Variants in RPS6KL1 observed in about 807,000 individuals in gnomAD.
RPS6KL1 encodes the protein ribosomal protein S6 kinase-like 1.
Under a neutral mutation model 57.0 loss-of-function variants are expected in RPS6KL1, and 41 were observed. The observed-to-expected ratio is 0.72, with a 90% CI of 0.56 to 0.93. RPS6KL1 has a LOEUF of 0.93. Ranked by LOEUF, RPS6KL1 falls within the 40% of genes least tolerant of loss-of-function variation. The pLI is 0.00. For synonymous variants in RPS6KL1, 287 were observed against 309.7 expected (o/e 0.93, Z 0.77); for missense variants, 697 against 727.7 (o/e 0.96, Z 0.49).
rs1884793223 is a variant in RPS6KL1 at position 74,906,276 on chromosome 14, C to T, written c.*738G>A. ...CCACTGGGGAGGAGGACTCTTGATT[C>T]TGGTTTCAGACTTGCTCTAAGGGGC... On this transcript the variant is annotated 3_prime_UTR_variant, in exon 12 of 12. Transcript: ENST00000557413. The T allele has an allele frequency of 6.3e-6, 2 of 319,180 alleles. No individual in the cohort carries two copies. The highest frequency in any genetic ancestry group is 4.3e-5 in the African/African-American group (2 of 46,248). 19.8% of individuals were successfully genotyped at this position (319,180 alleles called of 1,614,324 possible). A position where few individuals can be genotyped will look rare whatever the true frequency, so the allele number is the denominator to read the frequency against.
Position 74,921,277 on chromosome 14 carries a change from C to A in RPS6KL1, c.265G>T (p.Val89Phe), listed in dbSNP as rs777332209. The change falls in exon 3 of 12, where the codon GTT becomes TTT. Residue 89 changes from valine (V) to phenylalanine (F), a missense_variant and splice_region_variant. By Grantham distance (50) the Val-to-Phe change is conservative (BLOSUM62 -1). Coordinates refer to ENST00000557413, the MANE Select transcript of RPS6KL1 (RefSeq NM_031464.5). Reference sequence around the variant, plus strand: ...AGCCCTGCCCAGCCCCGGTCCTCACCGTGTATGCCACGGAGCAGCACGTCC... The same window carrying A: ...AGCCCTGCCCAGCCCCGGTCCTCACAGTGTATGCCACGGAGCAGCACGTCC... ...GVDVLLRGIH[V>F]DPNKERREAV... The A allele has an allele frequency of 6.2e-5, 100 of 1,611,640 alleles. No homozygotes were observed. The highest frequency in any genetic ancestry group is 7.6e-5 in the Non-Finnish European group (90 of 1,177,914).
At chr14:74,907,191 T>TC in intron 11 of RPS6KL1, 67 bp from the exon 12 acceptor site, 1 of 1,422,400 alleles carries the variant, frequency 7.0e-7, no homozygotes, top group East Asian at 2.3e-5. Flanking sequence ...CTCCAGGGAC[T>TC]CCAACCACTA....
chr14:74,919,909 C>T lies in RPS6KL1; in HGVS notation c.326G>A (p.Arg109Gln), dbSNP rs746273906. ...GTGGCAGTTGAAGATCTCCTCTGCCCGCCGCAGGTATTTGGTAATTTTCAG... is the reference window on the plus strand; with the variant it reads ...GTGGCAGTTGAAGATCTCCTCTGCCTGCCGCAGGTATTTGGTAATTTTCAG... ...VKLKITKYLR[R>Q]AEEIFNCHLQ... Residue 109 changes from arginine to glutamine, a missense_variant, in exon 4 of 12, where the codon CGG becomes CAG. Physicochemically the swap from Arg to Gln is conservative, Grantham distance 43. Transcript: ENST00000557413. The T allele has an allele frequency of 3.1e-6, 5 of 1,614,124 alleles. No homozygotes were observed. The highest frequency in any genetic ancestry group is 3.3e-5 in the Admixed American group (2 of 60,020).
chr14:74,915,918 A>C (rs748833041), intron 5 of RPS6KL1, among the ~76,000 whole-genome samples: 6 of 152,196 alleles, frequency 3.9e-5, no homozygotes, highest in Non-Finnish European at 8.8e-5. Flanking sequence ...TGGCTCCTGC[A>C]CGAGGCTCAG....
chr14:74,918,545 T>A lies in RPS6KL1; in HGVS notation c.451A>T (p.Arg151Trp). 1.3e-6 allele frequency: 2 copies of A among 1,534,292 alleles called. No individual in the cohort carries two copies. Among genetic ancestry groups the A allele is most frequent in the Non-Finnish European group, 1.7e-6 (2 of 1,146,112 alleles). Residue 151 changes from arginine (R) to tryptophan (W), a missense_variant, in exon 5 of 12, where the codon AGG (arginine) becomes TGG (tryptophan). Transcript: ENST00000557413. Reference sequence around the variant, plus strand: ...ATGACCCCGACCACCCTGCAGCCCCTCAGCTGCTCCACGGCAGAGCTCAGC... The same window carrying A: ...ATGACCCCGACCACCCTGCAGCCCCACAGCTGCTCCACGGCAGAGCTCAGC... Reference protein sequence around the residue: ...RTLSSAVEQLRGCRVVGVIEK... With the variant: ...RTLSSAVEQLWGCRVVGVIEK...
At chr14:74,916,352 C>T (rs922837533) in intron 5 of RPS6KL1, among the ~76,000 whole-genome samples, 2 of 151,990 alleles carry the variant, frequency 1.3e-5, no homozygotes, top group African/African-American at 2.4e-5. Context: ...AAGTTGAGTA[C>T]CCAAGACAGG....
chr14:74,922,201 T>C lies in RPS6KL1; in HGVS notation c.-244A>G, dbSNP rs1008152285. On this transcript the variant is annotated 5_prime_UTR_variant, in exon 2 of 12. Coordinates refer to ENST00000557413, the MANE Select transcript of RPS6KL1 (RefSeq NM_031464.5). ...GATCCACAGCCACCTTCACAGGGCCTCCGTAGAGCAAGCTTGGTATCCAGT... is the reference window on the plus strand; with the variant it reads ...GATCCACAGCCACCTTCACAGGGCCCCCGTAGAGCAAGCTTGGTATCCAGT... 1.6e-5 allele frequency: 16 copies of C among 987,220 alleles called. No individual in the cohort carries two copies. The African/African-American group carries it at 2.8e-4, about 17-fold the overall frequency. 61.2% of individuals were successfully genotyped at this position (987,220 alleles called of 1,614,324 possible). A position where few individuals can be genotyped will look rare whatever the true frequency, so the allele number is the denominator to read the frequency against.
intron 3 of RPS6KL1, among the ~76,000 whole-genome samples, 159 bp downstream of exon 3, chr14:74,921,118 G>A (rs1887753521): frequency 6.6e-6 from 1 of 152,222 alleles, no homozygotes; most frequent in South Asian, 2.1e-4. Context: ...TGCTTAATAA[G>A]TGCCAGCTAT....
In RPS6KL1 at chr14:74,905,378, T is replaced by G. The variant is rs1884608614; in HGVS notation, c.*1636A>C. The G allele has an allele frequency of 2.3e-5, 3 of 131,960 alleles. No homozygotes were observed. Among genetic ancestry groups the G allele is most frequent in the Admixed American group, 7.2e-5 (1 of 13,864 alleles). The allele number at this position is 131,960 out of a possible 1,614,324, so 8.2% of individuals were successfully genotyped here. On this transcript the variant is annotated 3_prime_UTR_variant, in exon 12 of 12. Coordinates refer to ENST00000557413, the MANE Select transcript of RPS6KL1 (RefSeq NM_031464.5). ...AGGAGCTACCGTCTGTTGCAAGGGG[T>G]CACTGTGAGGATGAAACTGGTATTC...
chr14:74,919,759 G>A lies in RPS6KL1; in HGVS notation c.390+86C>T, dbSNP rs1330379291. 4 of 1,465,718 alleles carry A rather than the reference G, an allele frequency of 2.7e-6. No homozygotes were observed. In the East Asian group the frequency reaches 6.9e-5, roughly 25 times the overall value. 90.8% of individuals were successfully genotyped at this position (1,465,718 alleles called of 1,614,324 possible). A position where few individuals can be genotyped will look rare whatever the true frequency, so the allele number is the denominator to read the frequency against. On this transcript the variant is annotated intron_variant, in intron 4 of 11. Transcript: ENST00000557413. Reference sequence around the variant, plus strand: ...GCCGGCCTCTGCCCTGCAGCCCAGGGCGGGCCTGTGGGTGTCGGGGCCTCC... The same window carrying A: ...GCCGGCCTCTGCCCTGCAGCCCAGGACGGGCCTGTGGGTGTCGGGGCCTCC...
At chr14:74,920,873 T>C (rs1030500043) in intron 3 of RPS6KL1, among the ~76,000 whole-genome samples, 1 of 152,146 alleles carries the variant, frequency 6.6e-6, no homozygotes, top group Non-Finnish European at 1.5e-5. Context: ...GTGGGCCAAG[T>C]ACACAGCCTG....
rs1321770404 is a variant in RPS6KL1 at position 74,905,704 on chromosome 14, C to G, written c.*1310G>C. The G allele has an allele frequency of 3.3e-5, 5 of 152,478 alleles. No homozygotes were observed. The highest frequency in any genetic ancestry group is 6.5e-5 in the Admixed American group (1 of 15,306). 9.4% of individuals were successfully genotyped at this position (152,478 alleles called of 1,614,324 possible). A position where few individuals can be genotyped will look rare whatever the true frequency, so the allele number is the denominator to read the frequency against. ...CCAGGGAGAGGCAGGACGTGGACCA[C>G]AGAGAGTCATGTACAGGCTGCGCTT... On this transcript the variant is annotated 3_prime_UTR_variant, in exon 12 of 12. Coordinates refer to ENST00000557413, the MANE Select transcript of RPS6KL1 (RefSeq NM_031464.5).
At position 74,921,446 on chromosome 14, in the gene RPS6KL1, C is replaced by T. The variant is rs376454384; in HGVS notation, c.96G>A (p.Gln32=). 7.4e-6 allele frequency: 12 copies of T among 1,614,036 alleles called. No individual in the cohort carries two copies. Among genetic ancestry groups the T allele is most frequent in the Non-Finnish European group, 1.0e-5 (12 of 1,180,026 alleles). Residue 32 remains glutamine, a synonymous_variant, in exon 3 of 12, where the codon CAG becomes CAA. Transcript: ENST00000557413. ...ARSQAHVYLE[Q]IRNRVALGVP... is the part of the protein sequence containing the mutation. ...CTCCCAGAGCCACCCTGTTGCGAAT[C>T]TGCTCCAGGTACACGTGAGCTTGGG... is the stretch of plus-strand genomic sequence containing the variant.
intron 11 of RPS6KL1, 88 bp downstream of exon 11, chr14:74,907,347 G>T: frequency 6.6e-7 from 1 of 1,506,394 alleles, no homozygotes; most frequent in Non-Finnish European, 8.9e-7. Context: ...TGAGCACGAA[G>T]CACACGTGGT....
intron 5 of RPS6KL1, among the ~76,000 whole-genome samples, chr14:74,918,108 TTATTTTA>T (rs1337108806): frequency 1.2e-3 from 188 of 151,628 alleles, no homozygotes; most frequent in African/African-American, 4.1e-3. Context: ...TTATTTTATT[TTATTTTA>T]TATTTTATTT....
chr14:74,907,500 G>C lies in RPS6KL1; in HGVS notation c.1474C>G (p.Gln492Glu), dbSNP rs1160929265. The C allele has an allele frequency of 1.3e-6, 2 of 1,584,178 alleles. No homozygotes were observed. The highest frequency in any genetic ancestry group is 2.3e-5 in the South Asian group (2 of 86,416). ...GGCAGCTGGAGCTGGGTGTGGGCCT[G>C]GATTCCTGAAGGGTGGCTCTGGGAC... ...ALSQSHPSGI[Q>E]AHTQLQLPEW... The change falls in exon 11 of 12, where the codon CAG becomes GAG. Residue 492 changes from glutamine (Q) to glutamate (E), a missense_variant. Coordinates refer to ENST00000557413, the MANE Select transcript of RPS6KL1 (RefSeq NM_031464.5).
intron 5 of RPS6KL1, among the ~76,000 whole-genome samples, chr14:74,912,196 C>A (rs796235453): frequency 9.1e-4 from 138 of 152,300 alleles, no homozygotes; most frequent in African/African-American, 3.2e-3. Flanking sequence ...CGGAGCCCTG[C>A]ACAGTGCAGG....
chr14:74,915,623 G>A (rs891949680), intron 5 of RPS6KL1, among the ~76,000 whole-genome samples: 1 of 152,228 alleles, frequency 6.6e-6, no homozygotes, highest in Non-Finnish European at 1.5e-5. Flanking sequence ...AATAGGCAGG[G>A]TGGAGGCGCA....
intron 5 of RPS6KL1, among the ~76,000 whole-genome samples, chr14:74,915,320 A>C (rs1281210393): frequency 6.6e-6 from 1 of 152,140 alleles, no homozygotes; most frequent in Non-Finnish European, 1.5e-5. Context: ...CAGCTCTGTA[A>C]ATGAGAAGGT....
Sources: gnomAD v4.1 joint callset for allele counts (sites outside exome capture counted in the v4.1 genomes callset) on GRCh38, gnomAD v4.1.1 for gene constraint, MANE v1.5 for transcripts, NCBI Gene and HGNC (gene_info 2026-07-23, HGNC 2026-07-21) for gene names.